MPP2: variants seen among roughly 807,000 people sequenced by gnomAD.
MPP2 encodes MAGUK p55 scaffold protein 2, also known as MAGUK p55 subfamily member 2.
MPP2 carries 42 observed loss-of-function variants against 58.5 expected under a neutral mutation model. That is an observed-to-expected ratio of 0.72 (90% CI 0.56 to 0.93). The LOEUF is 0.93. Ranked by LOEUF, MPP2 falls within the 40% of genes least tolerant of loss-of-function variation. MPP2 has a pLI of 0.00. For synonymous variants in MPP2, 300 were observed against 307.8 expected (o/e 0.97, Z 0.26); for missense variants, 632 against 760.4 (o/e 0.83, Z 1.99).
chr17:43,887,730 C>T (rs1236271860), intron 3 of MPP2, among the ~76,000 whole-genome samples: 3 of 151,768 alleles, frequency 2.0e-5, no homozygotes, highest in African/African-American at 7.3e-5. Flanking sequence ...TCACTTGAGC[C>T]CAGGAGTTCA....
intron 1 of MPP2, among the ~76,000 whole-genome samples, chr17:43,905,023 A>C (rs558305398): frequency 6.6e-6 from 1 of 152,132 alleles, no homozygotes; most frequent in Admixed American, 6.5e-5. Flanking sequence ...CAAAAAAATT[A>C]AAAATTATCC....
intron 3 of MPP2, among the ~76,000 whole-genome samples, chr17:43,896,444 C>G (rs1373354392): frequency 6.6e-6 from 1 of 152,032 alleles, no homozygotes; most frequent in Non-Finnish European, 1.5e-5. Flanking sequence ...TGGTCTTTTT[C>G]TCTTCCATCT....
intron 3 of MPP2, among the ~76,000 whole-genome samples, chr17:43,887,219 T>G (rs1186636551): frequency 1.3e-5 from 2 of 151,866 alleles, no homozygotes; most frequent in Admixed American, 1.3e-4. Context: ...CCTGAGCATT[T>G]TTAATCCTCA....
intron 3 of MPP2, among the ~76,000 whole-genome samples, chr17:43,894,248 C>G (rs892463761): frequency 6.6e-6 from 1 of 151,662 alleles, no homozygotes; most frequent in African/African-American, 2.4e-5. Flanking sequence ...GAAACCCCAT[C>G]TCTACTAAAA....
intron 3 of MPP2, among the ~76,000 whole-genome samples, chr17:43,891,082 T>C (rs888502081): frequency 5.9e-5 from 9 of 152,142 alleles, no homozygotes; most frequent in African/African-American, 1.7e-4. Context: ...TCAGAGCCCC[T>C]ATCTTAGTGA....
rs1255518477 is a variant in MPP2 at position 43,876,129 on chromosome 17, T to C, written c.*1678A>G. 6.6e-6 allele frequency: 1 copy of C among 152,592 alleles called. No homozygotes were observed. The highest frequency in any genetic ancestry group is 2.4e-5 in the African/African-American group (1 of 41,432). The allele number at this position is 152,592 out of a possible 1,614,324, so 9.5% of individuals were successfully genotyped here. On this transcript the variant is annotated 3_prime_UTR_variant, in exon 13 of 13. Transcript: ENST00000269095. ...TGTGTATAGTCTATGCAAATGCAAA[T>C]GAGATTCCTAGTATAAGAAATATAT...
At chr17:43,907,316 C>CCAGGGG (rs1230867073) in intron 1 of MPP2, 158 bp downstream of exon 1, 1 of 985,272 alleles carries the variant, frequency 1.0e-6, no homozygotes, top group East Asian at 1.1e-4. Flanking sequence ...GAAAGAGGGC[C>CCAGGGG]CAGGGGCGGG....
intron 3 of MPP2, among the ~76,000 whole-genome samples, chr17:43,892,228 G>A (rs1470926601): frequency 2.0e-5 from 3 of 152,196 alleles, no homozygotes; most frequent in Non-Finnish European, 4.4e-5. Context: ...CACATCCCCA[G>A]ACAGAGTCAA....
At chr17:43,887,282 G>A (rs1372927555) in intron 3 of MPP2, among the ~76,000 whole-genome samples, 4 of 152,106 alleles carry the variant, frequency 2.6e-5, no homozygotes, top group African/African-American at 9.7e-5. Context: ...TACTTGGGAG[G>A]CTGAGGTGGA....
At chr17:43,881,884 G>C (rs796953389) in intron 6 of MPP2, among the ~76,000 whole-genome samples, 8 of 152,264 alleles carry the variant, frequency 5.3e-5, no homozygotes, top group African/African-American at 1.9e-4. Flanking sequence ...TTGGAGAAGG[G>C]CTCTGGTGGA....
intron 3 of MPP2, among the ~76,000 whole-genome samples, chr17:43,887,753 C>A (rs1181848998): frequency 6.6e-6 from 1 of 151,738 alleles, no homozygotes; most frequent in East Asian, 1.9e-4. Context: ...ACAGCAAGAC[C>A]CCATCTCTAT....
chr17:43,897,575 C>A (rs2047901094), intron 3 of MPP2, among the ~76,000 whole-genome samples: 1 of 152,208 alleles, frequency 6.6e-6, no homozygotes, highest in Non-Finnish European at 1.5e-5. Flanking sequence ...GCCCTCCAGA[C>A]CTGCCAACCT....
Position 43,880,724 on chromosome 17 carries a change from A to C in MPP2, c.1117T>G (p.Trp373Gly), listed in dbSNP as rs1237957098. 2 of 1,613,676 alleles carry C rather than the reference A, an allele frequency of 1.2e-6. No homozygotes were observed. Among genetic ancestry groups the C allele is most frequent in the East Asian group, 4.5e-5 (2 of 44,878 alleles). ...GTGGTGCCATAGCGATCTGGATCCC[A>C]CATGATGAGCTTGTTCTTCAGGCTG... Reference protein sequence around the residue: ...RRSLKNKLIMWDPDRYGTTVP... With the variant: ...RRSLKNKLIMGDPDRYGTTVP... Residue 373 changes from tryptophan to glycine, a missense_variant, in exon 10 of 13, where the codon TGG (tryptophan) becomes GGG (glycine). Trp to Gly is a radical substitution (Grantham distance 184). Coordinates refer to ENST00000269095, the MANE Select transcript of MPP2 (RefSeq NM_005374.5). The surrounding 1 kb of genome is among the most constrained non-coding windows in gnomAD (Gnocchi z 5.2).
chr17:43,898,685 G>GC (rs1346907245), intron 2 of MPP2, among the ~76,000 whole-genome samples: 1 of 152,250 alleles, frequency 6.6e-6, no homozygotes, highest in Non-Finnish European at 1.5e-5. Context: ...AGAAAGGGAA[G>GC]CAGGTGTCAG....
At position 43,880,962 on chromosome 17, in the gene MPP2, C is replaced by T. The variant is rs1352887075; in HGVS notation, c.989-110G>A. ...TTGGAACAGGGGAGCAGGGGGGAGTCGGGCAGGGCCTAGGGACACGGCTGG... is the reference window on the plus strand; with the variant it reads ...TTGGAACAGGGGAGCAGGGGGGAGTTGGGCAGGGCCTAGGGACACGGCTGG... On this transcript the variant is annotated intron_variant, in intron 9 of 12. Transcript: ENST00000269095. This position sits in a 1 kb window ranked among gnomAD's most constrained non-coding sequence, Gnocchi z 5.2. 14 of 1,517,494 alleles carry T rather than the reference C, an allele frequency of 9.2e-6. No homozygotes were observed. The highest frequency in any genetic ancestry group is 3.7e-4 in the Middle Eastern group (2 of 5,424). The allele number at this position is 1,517,494 out of a possible 1,614,324, so 94.0% of individuals were successfully genotyped here. A position where few individuals can be genotyped will look rare whatever the true frequency, so the allele number is the denominator to read the frequency against.
chr17:43,901,779 C>T (rs2048106339), intron 2 of MPP2, among the ~76,000 whole-genome samples: 1 of 152,184 alleles, frequency 6.6e-6, no homozygotes, highest in African/African-American at 2.4e-5. Context: ...AGCCCAGTGC[C>T]ACTGTCCATT....
rs768125173 is a variant in MPP2, at chr17:43,877,926, G to T, written c.1540C>A (p.His514Asn). ...ESSRIQRGYG[H>N]YFDLCLVNSN... ...TTGACCAGGCAGAGGTCAAAGTAGT[G>T]CCCGTAGCCCCGCTGGATGCGGCTG... Residue 514 changes from histidine to asparagine, a missense_variant, in exon 13 of 13, where the codon CAC becomes AAC. By Grantham distance (68) the His-to-Asn change is moderately conservative. Coordinates refer to ENST00000269095, the MANE Select transcript of MPP2 (RefSeq NM_005374.5). 27 of 1,614,028 alleles carry T rather than the reference G, an allele frequency of 1.7e-5. No homozygotes were observed. Among genetic ancestry groups the T allele is most frequent in the Non-Finnish European group, 2.1e-5 (25 of 1,179,944 alleles).
chr17:43,878,778 T>C (rs2046965040), intron 12 of MPP2, among the ~76,000 whole-genome samples: 2 of 152,138 alleles, frequency 1.3e-5, no homozygotes, highest in South Asian at 4.1e-4. Flanking sequence ...CAGCAAGACA[T>C]AGGAAGGAGG....
rs992061317 is a variant in MPP2 at position 43,877,739 on chromosome 17, G to C, written c.*68C>G. On this transcript the variant is annotated 3_prime_UTR_variant, in exon 13 of 13. Transcript: ENST00000269095. ...TAAGGATTGTGGCAGGGGGTCACAGGTCAGGAGGGGGATGGATTCAGGTTC... is the reference window on the plus strand; with the variant it reads ...TAAGGATTGTGGCAGGGGGTCACAGCTCAGGAGGGGGATGGATTCAGGTTC... 1 of 1,390,526 alleles carries C rather than the reference G, an allele frequency of 7.2e-7. No individual in the cohort carries two copies. The highest frequency in any genetic ancestry group is 1.4e-5 in the African/African-American group (1 of 71,020). 86.1% of individuals were successfully genotyped at this position (1,390,526 alleles called of 1,614,324 possible). A position where few individuals can be genotyped will look rare whatever the true frequency, so the allele number is the denominator to read the frequency against.
Sources: gnomAD v4.1 joint callset for allele counts (sites outside exome capture counted in the v4.1 genomes callset) on GRCh38, gnomAD v4.1.1 for gene constraint, Gnocchi (gnomAD v3.1) non-coding constraint, MANE v1.5 for transcripts, NCBI Gene and HGNC (gene_info 2026-07-23, HGNC 2026-07-21) for gene names.